Variants in RIMBP2 observed in about 807,000 individuals in gnomAD.
The protein encoded by RIMBP2 is RIMS binding protein 2.
RIMBP2 carries 48 observed loss-of-function variants against 118.6 expected under a neutral mutation model. The ratio of observed to expected loss-of-function variants is 0.40; its 90% CI spans 0.32 to 0.51. The LOEUF (loss-of-function observed/expected upper bound fraction) is 0.51, where lower values mean the gene tolerates loss of function less well. Among genes scored for constraint, RIMBP2 ranks in the 20% least tolerant of loss-of-function variants. The probability of loss-of-function intolerance (pLI) is 0.41; values close to 1 mark genes in which losing one functional copy is unlikely to be tolerated. For synonymous variants in RIMBP2, 762 were observed against 742.9 expected (o/e 1.03, Z -0.42); for missense variants, 1,551 against 1,768.3 (o/e 0.88, Z 2.20).
In RIMBP2 at chr12:130,523,152, T is replaced by C. The variant is rs1054829822; in HGVS notation, c.-216-5235A>G. Among the ~76,000 whole-genome samples, 1 of 152,078 alleles carries C rather than the reference T, an allele frequency of 6.6e-6. No homozygotes were observed. Among genetic ancestry groups the C allele is most frequent in the Non-Finnish European group, 1.5e-5 (1 of 67,988 alleles). On this transcript the variant is annotated intron_variant, in intron 2 of 22. Coordinates refer to ENST00000690449, the MANE Select transcript of RIMBP2 (RefSeq NM_001393629.1). This position sits in a 1 kb window ranked among gnomAD's most constrained non-coding sequence, Gnocchi z 4.4. ...GCCTCTCTCTCTCTCTCTGCCTCCA[T>C]GTCTGTCTGTGTCTCTGTTTCTCTG...
chr12:130,440,612 C>T (rs1322009911), intron 11 of RIMBP2, among the ~76,000 whole-genome samples: 1 of 152,232 alleles, frequency 6.6e-6, no homozygotes, highest in Non-Finnish European at 1.5e-5. Context: ...CGTTCTTCAC[C>T]CCCGCACTCA....
intron 2 of RIMBP2, among the ~76,000 whole-genome samples, chr12:130,535,759 A>G (rs1188916469): frequency 2.9e-5 from 3 of 101,916 alleles, no homozygotes; most frequent in Non-Finnish European, 3.9e-5. Flanking sequence ...ATATATATAT[A>G]TATATATATA....
intron 2 of RIMBP2, among the ~76,000 whole-genome samples, chr12:130,518,632 G>C (rs930142929): frequency 1.3e-5 from 2 of 152,192 alleles, no homozygotes; most frequent in African/African-American, 4.8e-5. Context: ...TTTAGGCTCA[G>C]TTTTAGGACT....
intron 1 of RIMBP2, among the ~76,000 whole-genome samples, chr12:130,636,627 T>C (rs1236473655): frequency 1.3e-5 from 2 of 152,094 alleles, no homozygotes; most frequent in Non-Finnish European, 2.9e-5. Context: ...AAGAAATGAA[T>C]GGATGGGGAA....
At chr12:130,437,610 T>A (rs1593292168) in intron 12 of RIMBP2, among the ~76,000 whole-genome samples, 1 of 151,964 alleles carries the variant, frequency 6.6e-6, no homozygotes, top group South Asian at 2.1e-4. Flanking sequence ...GAGTGTCAGG[T>A]TTATTACCAC....
intron 2 of RIMBP2, among the ~76,000 whole-genome samples, chr12:130,550,141 A>C (rs2398518): frequency 0.52 from 79,493 of 152,014 alleles, 21,535 homozygotes; most frequent in East Asian, 0.61. Context: ...ACTACATTGG[A>C]ACTATGGGAG....
chr12:130,519,684 C>T (rs11611052), intron 2 of RIMBP2, among the ~76,000 whole-genome samples: 9,400 of 152,134 alleles, frequency 0.062, 391 homozygotes, highest in South Asian at 0.16. Context: ...CCAACATGCC[C>T]CAAGGTAAAC....
At chr12:130,455,345 G>C (rs1317428220) in intron 7 of RIMBP2, among the ~76,000 whole-genome samples, 1 of 152,156 alleles carries the variant, frequency 6.6e-6, no homozygotes, top group African/African-American at 2.4e-5. Flanking sequence ...TGCAGCGTCT[G>C]GATCAGAGGC....
chr12:130,642,579 C>T (rs2141033869), intron 1 of RIMBP2, among the ~76,000 whole-genome samples: 1 of 152,314 alleles, frequency 6.6e-6, no homozygotes, highest in African/African-American at 2.4e-5. Context: ...GCCACCATGC[C>T]CAGCCTGGGT....
chr12:130,620,426 A>G lies in RIMBP2; in HGVS notation c.-217+7896T>C, dbSNP rs1337554051. On this transcript the variant is annotated intron_variant, in intron 2 of 22. Coordinates refer to ENST00000690449, the MANE Select transcript of RIMBP2 (RefSeq NM_001393629.1). This position sits in a 1 kb window ranked among gnomAD's most constrained non-coding sequence, Gnocchi z 5.3. Reference sequence around the variant, plus strand: ...TCCCCTTCCCCTTTAGGTGGCCAGCACCAGGTTCTGCTGCGTGCAACCAGA... The same window carrying G: ...TCCCCTTCCCCTTTAGGTGGCCAGCGCCAGGTTCTGCTGCGTGCAACCAGA... Among the ~76,000 whole-genome samples, 1 of 152,138 alleles carries G rather than the reference A, an allele frequency of 6.6e-6. No homozygotes were observed. The highest frequency in any genetic ancestry group is 1.5e-5 in the Non-Finnish European group (1 of 68,028).
intron 6 of RIMBP2, chr12:130,465,992 G>T (rs2080440753): frequency 6.6e-6 from 1 of 152,216 alleles, no homozygotes; most frequent in South Asian, 2.1e-4. Context: ...GCTTGAATGG[G>T]ATTCTGCTCA....
In RIMBP2 at chr12:130,424,023, G is replaced by A. The variant is rs772663012; in HGVS notation, c.3129+119C>T. Reference sequence around the variant, plus strand: ...GAGAAATCAAAAATGCAGGGAAAACGAAAGACAGCCAGCAAGAGAGTCCCC... The same window carrying A: ...GAGAAATCAAAAATGCAGGGAAAACAAAAGACAGCCAGCAAGAGAGTCCCC... On this transcript the variant is annotated intron_variant, in intron 16 of 22. Coordinates refer to ENST00000690449, the MANE Select transcript of RIMBP2 (RefSeq NM_001393629.1). This position sits in a 1 kb window ranked among gnomAD's most constrained non-coding sequence, Gnocchi z 9.8. The A allele has an allele frequency of 9.9e-6, 5 of 505,756 alleles. No individual in the cohort carries two copies. Among genetic ancestry groups the A allele is most frequent in the Admixed American group, 4.4e-5 (1 of 22,816 alleles). The allele number at this position is 505,756 out of a possible 1,614,324, so 31.3% of individuals were successfully genotyped here.
intron 1 of RIMBP2, among the ~76,000 whole-genome samples, chr12:130,690,696 C>A (rs2065270802): frequency 6.6e-6 from 1 of 152,100 alleles, no homozygotes; most frequent in African/African-American, 2.4e-5. Flanking sequence ...CTGTAGCAGG[C>A]CACGCACTTC....
intron 3 of RIMBP2, 80 bp from the exon 4 acceptor site, chr12:130,506,850 C>T (rs924168907): frequency 8.5e-6 from 8 of 939,006 alleles, no homozygotes; most frequent in Non-Finnish European, 1.0e-5. Context: ...TCTTTAGGAG[C>T]AAAATCTTCA....
chr12:130,437,359 G>T, intron 12 of RIMBP2, 68 bp from the exon 13 acceptor site: 1 of 1,333,712 alleles, frequency 7.5e-7, no homozygotes, highest in Non-Finnish European at 1.0e-6. Context: ...ATGGGGAGCC[G>T]ACCAGTCCTC....
rs74729409 is a variant in RIMBP2 at position 130,491,577 on chromosome 12, G to A, written c.-3-12561C>T. On this transcript the variant is annotated intron_variant, in intron 4 of 22. Coordinates refer to ENST00000690449, the MANE Select transcript of RIMBP2 (RefSeq NM_001393629.1). ...CCATCTGCACTTCTGGGGGGCAATC[G>A]CACTTTCCTTCTCACAACTTCCACA... Among the ~76,000 whole-genome samples, 1,041 of 152,268 alleles carry A rather than the reference G, an allele frequency of 6.8e-3. 18 individuals carry two copies. The highest frequency in any genetic ancestry group is 0.024 in the African/African-American group (998 of 41,542).
chr12:130,654,334 G>A (rs2063341774), intron 1 of RIMBP2, among the ~76,000 whole-genome samples: 1 of 152,108 alleles, frequency 6.6e-6, no homozygotes, highest in South Asian at 2.1e-4. Context: ...ACTCTTTTAA[G>A]TTCAAACTTC....
intron 17 of RIMBP2, among the ~76,000 whole-genome samples, chr12:130,421,406 G>A (rs2076395237): frequency 6.6e-6 from 1 of 152,206 alleles, no homozygotes; most frequent in South Asian, 2.1e-4. Flanking sequence ...TCTAAAAGCT[G>A]TGAAGATGGA....
intron 2 of RIMBP2, among the ~76,000 whole-genome samples, chr12:130,555,245 G>A (rs900803178): frequency 6.6e-6 from 1 of 152,068 alleles, no homozygotes; most frequent in Non-Finnish European, 1.5e-5. Context: ...AGCTTATGTT[G>A]AACAATCAGA....
Sources: gnomAD v4.1 joint callset for allele counts (sites outside exome capture counted in the v4.1 genomes callset) on GRCh38, gnomAD v4.1.1 for gene constraint, Gnocchi (gnomAD v3.1) non-coding constraint, MANE v1.5 for transcripts, NCBI Gene and HGNC (gene_info 2026-07-23, HGNC 2026-07-21) for gene names.